Variants in HS6ST3 observed in about 807,000 individuals in gnomAD.
The protein encoded by HS6ST3 is heparan sulfate 6-O-sulfotransferase 3.
In HS6ST3, 12 loss-of-function variants were observed where a neutral mutation model predicts 36.7. The observed-to-expected ratio is 0.33, with a 90% CI of 0.21 to 0.53. The LOEUF (loss-of-function observed/expected upper bound fraction) is 0.53, where lower values mean the gene tolerates loss of function less well. Ranked by LOEUF, HS6ST3 falls within the 20% of genes least tolerant of loss-of-function variation. The pLI is 0.95. For synonymous variants in HS6ST3, 240 were observed against 257.5 expected (o/e 0.93, Z 0.65); for missense variants, 584 against 640.9 (o/e 0.91, Z 0.96).
chr13:96,221,831 A>C (rs1175783946), intron 1 of HS6ST3, among the ~76,000 whole-genome samples: 1 of 152,244 alleles, frequency 6.6e-6, no homozygotes, highest in Non-Finnish European at 1.5e-5. Context: ...ACTGGGATAT[A>C]AAATAAGACA....
At chr13:96,429,699 A>G (rs778329891) in intron 1 of HS6ST3, among the ~76,000 whole-genome samples, 1 of 152,250 alleles carries the variant, frequency 6.6e-6, no homozygotes, top group Non-Finnish European at 1.5e-5. Context: ...ATTTCCTAAC[A>G]CAAAGTGGTT....
At chr13:96,122,893 T>A (rs758022430) in intron 1 of HS6ST3, among the ~76,000 whole-genome samples, 1 of 152,120 alleles carries the variant, frequency 6.6e-6, no homozygotes, top group Non-Finnish European at 1.5e-5. Context: ...GTGTGCCAGT[T>A]AGATTGCCAA....
chr13:96,236,984 A>G (rs1160905461), intron 1 of HS6ST3, among the ~76,000 whole-genome samples: 3 of 152,362 alleles, frequency 2.0e-5, no homozygotes, highest in East Asian at 3.9e-4. Context: ...ACTTACAATT[A>G]TGGGAGAAGG....
chr13:96,745,502 G>A (rs1876541218), intron 1 of HS6ST3, among the ~76,000 whole-genome samples: 1 of 152,190 alleles, frequency 6.6e-6, no homozygotes, highest in African/African-American at 2.4e-5. Context: ...GAAGCTATGT[G>A]TGAAAGCATA....
At chr13:96,687,323 C>T (rs890900789) in intron 1 of HS6ST3, among the ~76,000 whole-genome samples, 2 of 151,916 alleles carry the variant, frequency 1.3e-5, no homozygotes, top group Non-Finnish European at 2.9e-5. Context: ...GATGAGTTTT[C>T]GTGCTATAAC....
chr13:96,447,665 A>C (rs1346789072), intron 1 of HS6ST3, among the ~76,000 whole-genome samples: 1 of 152,094 alleles, frequency 6.6e-6, no homozygotes, highest in East Asian at 1.9e-4. Flanking sequence ...TCCATATTAC[A>C]AGAGTAGGGT....
intron 1 of HS6ST3, among the ~76,000 whole-genome samples, chr13:96,380,281 T>C (rs11069239): frequency 0.018 from 2,191 of 123,312 alleles, 29 homozygotes; most frequent in East Asian, 0.068. Flanking sequence ...TTTTTTTTTT[T>C]CGAGATGGAG....
intron 1 of HS6ST3, among the ~76,000 whole-genome samples, chr13:96,244,637 T>C (rs1594729453): frequency 6.6e-6 from 1 of 152,296 alleles, no homozygotes; most frequent in East Asian, 1.9e-4. Context: ...AAAAATACTG[T>C]TTTCTTCACC....
At chr13:96,187,785 C>T (rs2054271271) in intron 1 of HS6ST3, among the ~76,000 whole-genome samples, 1 of 152,210 alleles carries the variant, frequency 6.6e-6, no homozygotes, top group South Asian at 2.1e-4. Flanking sequence ...TGCCCTCCTG[C>T]TGACTTGGCT....
chr13:96,272,550 A>G (rs2054726218), intron 1 of HS6ST3, among the ~76,000 whole-genome samples: 1 of 151,958 alleles, frequency 6.6e-6, no homozygotes, highest in South Asian at 2.1e-4. Context: ...GTACCCCAAT[A>G]GTAGTAGATG....
chr13:96,569,487 A>G (rs909214731), intron 1 of HS6ST3, among the ~76,000 whole-genome samples: 1 of 152,204 alleles, frequency 6.6e-6, no homozygotes. Flanking sequence ...TTCTGTCCAT[A>G]TCCTATTATA....
At chr13:96,737,331 A>C (rs984751914) in intron 1 of HS6ST3, among the ~76,000 whole-genome samples, 9 of 152,346 alleles carry the variant, frequency 5.9e-5, no homozygotes, top group Non-Finnish European at 1.3e-4. Flanking sequence ...ATTTCTATAA[A>C]AGAGATTATT....
At chr13:96,225,182 A>G (rs34987152) in intron 1 of HS6ST3, among the ~76,000 whole-genome samples, 2 of 152,254 alleles carry the variant, frequency 1.3e-5, no homozygotes, top group African/African-American at 4.8e-5. Context: ...GTTTACCCAT[A>G]TGCGAAGTCA....
chr13:96,295,613 C>T (rs1230518124), intron 1 of HS6ST3, among the ~76,000 whole-genome samples: 1 of 152,076 alleles, frequency 6.6e-6, no homozygotes, highest in Non-Finnish European at 1.5e-5. Context: ...GAAGTATCTG[C>T]CCACAAAAAT....
At chr13:96,653,751 A>G (rs778661313) in intron 1 of HS6ST3, among the ~76,000 whole-genome samples, 8 of 152,142 alleles carry the variant, frequency 5.3e-5, no homozygotes, top group Admixed American at 1.3e-4. Context: ...GTCAAATGGT[A>G]TTTCTGGTTC....
At chr13:96,231,503 G>A (rs1414072636) in intron 1 of HS6ST3, among the ~76,000 whole-genome samples, 1 of 152,074 alleles carries the variant, frequency 6.6e-6, no homozygotes, top group Admixed American at 6.6e-5. Context: ...CATGGCCAGA[G>A]CAGGAGGAAG....
At chr13:96,453,901 G>T (rs1188683645) in intron 1 of HS6ST3, among the ~76,000 whole-genome samples, 1 of 151,974 alleles carries the variant, frequency 6.6e-6, no homozygotes, top group Non-Finnish European at 1.5e-5. Flanking sequence ...TATGGAAAAG[G>T]GTTTCTTAAG....
rs894514611 is a variant in HS6ST3, at chr13:96,710,703, A to G, written c.708-121787A>G. On this transcript the variant is annotated intron_variant, in intron 1 of 1. Coordinates refer to ENST00000376705, the MANE Select transcript of HS6ST3 (RefSeq NM_153456.4). ...GAGTCATCACTTCCACCCACTGAAC[A>G]GGTGTTGCCTCCTAGGCCACCTCCT... 3.3e-5 allele frequency among the ~76,000 whole-genome samples: 5 copies of G among 152,184 alleles called. No homozygotes were observed. The South Asian group carries it at 1.0e-3, about 32-fold the overall frequency.
At chr13:96,755,497 T>A (rs1876805371) in intron 1 of HS6ST3, among the ~76,000 whole-genome samples, 1 of 152,106 alleles carries the variant, frequency 6.6e-6, no homozygotes, top group African/African-American at 2.4e-5. Context: ...CCCGAGCAGC[T>A]GAGATTACAG....
Sources: allele counts gnomAD v4.1 joint callset (sites outside exome capture counted in the v4.1 genomes callset), GRCh38; gene constraint gnomAD v4.1.1; transcripts MANE v1.5; gene names NCBI Gene and HGNC (gene_info 2026-07-23, HGNC 2026-07-21).